The following CEP78 variants were observed in gnomAD, a reference collection of about 807,000 sequenced individuals.
The protein encoded by CEP78 is centrosomal protein 78.
CEP78 carries 76 observed loss-of-function variants against 81.2 expected under a neutral mutation model. The ratio of observed to expected loss-of-function variants is 0.94; its 90% confidence interval spans 0.78 to 1.13. The LOEUF (loss-of-function observed/expected upper bound fraction) is 1.13. Among genes scored for constraint, CEP78 ranks in the 50% most tolerant of loss-of-function variants. The pLI, the probability that CEP78 is intolerant of heterozygous loss-of-function variation, is 0.00. For synonymous variants in CEP78, 293 were observed against 301.4 expected (o/e 0.97, Z 0.29); for missense variants, 918 against 846.8 (o/e 1.08, Z -1.04).
rs1390778461 is a variant in CEP78 at position 78,274,360 on chromosome 9, T to A, written c.*3509T>A. The A allele has an allele frequency of 2.6e-5, 4 of 151,810 alleles. No individual in the cohort carries two copies. The East Asian group carries it at 5.8e-4, about 22-fold the overall frequency. The allele number at this position is 151,810 out of a possible 1,614,324, so 9.4% of individuals were successfully genotyped here. On this transcript the variant is annotated 3_prime_UTR_variant, in exon 17 of 17. Transcript: ENST00000643273. ...TACAAAGAGGCTGTACAAGGGAGTT[T>A]GTTTGTTTGTTTGTTTTGGTGATGA...
At chr9:78,245,642 C>T (rs12551520) in intron 5 of CEP78, among the ~76,000 whole-genome samples, 9,629 of 152,076 alleles carry the variant, frequency 0.063, 407 homozygotes, top group Admixed American at 0.11. Flanking sequence ...TTTTTTATGC[C>T]TGTACTTTTG....
chr9:78,239,167 G>C (rs1195502502), intron 1 of CEP78, among the ~76,000 whole-genome samples: 1 of 151,626 alleles, frequency 6.6e-6, no homozygotes, highest in Non-Finnish European at 1.5e-5. Context: ...TTTATCTCTT[G>C]CATCTAGTGG....
rs1207025204 is a variant in CEP78 at position 78,274,900 on chromosome 9, T to C, written c.*4049T>C. On this transcript the variant is annotated 3_prime_UTR_variant, in exon 17 of 17. Coordinates refer to ENST00000643273, the MANE Select transcript of CEP78 (RefSeq NM_001330691.3). ...CCAGGAAGAAAGAAGACAAAAGAGA[T>C]GAATTAAACATTTAAAGCTAAGAAA... 6.6e-6 allele frequency: 1 copy of C among 152,120 alleles called. No homozygotes were observed. Among genetic ancestry groups the C allele is most frequent in the African/African-American group, 2.4e-5 (1 of 41,440 alleles). The allele number at this position is 152,120 out of a possible 1,614,324, so 9.4% of individuals were successfully genotyped here.
At position 78,236,146 on chromosome 9, in the gene CEP78, C is replaced by G. The variant is rs1023864212; in HGVS notation, c.-205C>G. ...GCTTGGGCCGCAGGGCGGGAGGCAG[C>G]GCGGGAGTGGGGCGTTGAGGGGCCG... On this transcript the variant is annotated 5_prime_UTR_variant, in exon 1 of 17. Transcript: ENST00000643273. 3.9e-5 allele frequency: 22 copies of G among 557,182 alleles called. No individual in the cohort carries two copies. The African/African-American group carries it at 4.3e-4, about 11-fold the overall frequency. 34.5% of individuals were successfully genotyped at this position (557,182 alleles called of 1,614,324 possible).
intron 1 of CEP78, among the ~76,000 whole-genome samples, chr9:78,237,955 C>A (rs143920347): frequency 3.6e-3 from 385 of 105,866 alleles, no homozygotes; most frequent in East Asian, 4.0e-3. Context: ...ACTAAAAATA[C>A]AAAAAAAAAA....
intron 11 of CEP78, among the ~76,000 whole-genome samples, chr9:78,259,779 A>G (rs1827193496): frequency 6.6e-6 from 1 of 152,238 alleles, no homozygotes; most frequent in Non-Finnish European, 1.5e-5. Flanking sequence ...TAGGGCCAGA[A>G]CTTTGCCTCA....
chr9:78,248,491 A>G (rs1468830620), intron 7 of CEP78, 136 bp downstream of exon 7: 2 of 662,116 alleles, frequency 3.0e-6, no homozygotes, highest in African/African-American at 1.8e-5. Flanking sequence ...CTAGGTAGCT[A>G]GGACTGTAGG....
In CEP78 at chr9:78,266,578, T is replaced by C. The variant is rs745337796; in HGVS notation, c.1982T>C (p.Phe661Ser). Reference sequence around the variant, plus strand: ...GCTACTGAGCAGCGGCAGGAGTCTTTTGAAGGATTCATTGCTAGAATGTGT... The same window carrying C: ...GCTACTGAGCAGCGGCAGGAGTCTTCTGAAGGATTCATTGCTAGAATGTGT... ...VPATEQRQESFEGFIARMCSP... is the reference protein window; with the variant it reads ...VPATEQRQESSEGFIARMCSP... Residue 661 changes from phenylalanine (F) to serine (S), a missense_variant, in exon 16 of 17, where the codon TTT becomes TCT. Physicochemically the swap from Phe to Ser is radical, Grantham distance 155. Coordinates refer to ENST00000643273, the MANE Select transcript of CEP78 (RefSeq NM_001330691.3). 4 of 1,613,710 alleles carry C rather than the reference T, an allele frequency of 2.5e-6. No individual in the cohort carries two copies. The African/African-American group carries it at 5.3e-5, about 22-fold the overall frequency.
intron 15 of CEP78, among the ~76,000 whole-genome samples, 190 bp downstream of exon 15, chr9:78,266,096 G>A (rs1278599632): frequency 1.3e-5 from 2 of 152,104 alleles, no homozygotes; most frequent in Non-Finnish European, 2.9e-5. Flanking sequence ...GACTGGTCTT[G>A]GCAACTGACG....
chr9:78,265,756 T>A, intron 14 of CEP78, 103 bp from the exon 15 acceptor site: 3 of 768,662 alleles, frequency 3.9e-6, no homozygotes, highest in East Asian at 5.4e-5. Context: ...TTTGAAACTT[T>A]ATGATTTAAA....
intron 16 of CEP78, 43 bp downstream of exon 16, chr9:78,266,746 A>G (rs1444887937): frequency 2.5e-6 from 4 of 1,607,972 alleles, no homozygotes; most frequent in Middle Eastern, 1.7e-4. Flanking sequence ...CACCCTGGAA[A>G]GGACCTGCAT....
chr9:78,266,652 G>A lies in CEP78; in HGVS notation c.2056G>A (p.Glu686Lys), dbSNP rs758277997. 6.2e-7 allele frequency: 1 copy of A among 1,612,270 alleles called. No individual in the cohort carries two copies. Among genetic ancestry groups the A allele is most frequent in the South Asian group, 1.1e-5 (1 of 90,782 alleles). The change falls in exon 16 of 17, where the codon GAG (glutamate) becomes AAG (lysine). Residue 686 changes from glutamate to lysine, a missense_variant. Glu to Lys is a moderately conservative substitution (Grantham distance 56). Transcript: ENST00000643273. ...TGGAACTGGAAGTCAAAGAAAAGAA[G>A]AGGAGTTGTCCAGAAATAGCAGATC... ...TSGTGSQRKE[E>K]ELSRNSRSSS...
intron 12 of CEP78, 49 bp from the exon 13 acceptor site, chr9:78,264,101 G>T: frequency 1.6e-6 from 2 of 1,268,616 alleles, no homozygotes; most frequent in Non-Finnish European, 1.0e-6. Flanking sequence ...AACTATTTTG[G>T]TGATAATGAG....
intron 12 of CEP78, 40 bp downstream of exon 12, chr9:78,263,024 T>G (rs1163859358): frequency 7.6e-7 from 1 of 1,322,644 alleles, no homozygotes; most frequent in Non-Finnish European, 1.0e-6. Flanking sequence ...GTTTTTTGTT[T>G]TGGTTTTGGT....
chr9:78,252,129 C>T, intron 9 of CEP78, 86 bp downstream of exon 9: 2 of 1,198,512 alleles, frequency 1.7e-6, no homozygotes, highest in Non-Finnish European at 2.3e-6. Flanking sequence ...TGAGAGTTCT[C>T]TGCTTATGTC....
intron 5 of CEP78, among the ~76,000 whole-genome samples, chr9:78,243,892 A>G (rs1383123340): frequency 6.6e-6 from 1 of 151,304 alleles, no homozygotes; most frequent in African/African-American, 2.4e-5. Flanking sequence ...CACTTTCAGT[A>G]TTGTTTTTTC....
intron 1 of CEP78, among the ~76,000 whole-genome samples, chr9:78,237,792 C>T (rs1826026426): frequency 6.6e-6 from 1 of 151,712 alleles, no homozygotes; most frequent in Non-Finnish European, 1.5e-5. Context: ...ATCTAATGGC[C>T]CAAACTAAGG....
At position 78,246,783 on chromosome 9, in the gene CEP78, G is replaced by A. The variant is rs958872466; in HGVS notation, c.892+1G>A. 3 of 1,502,164 alleles carry A rather than the reference G, an allele frequency of 2.0e-6. No homozygotes were observed. The highest frequency in any genetic ancestry group is 3.8e-5 in the Admixed American group (2 of 52,140). 93.1% of individuals were successfully genotyped at this position (1,502,164 alleles called of 1,614,324 possible). A position where few individuals can be genotyped will look rare whatever the true frequency, so the allele number is the denominator to read the frequency against. On this transcript the variant is annotated splice_donor_variant, in intron 6 of 16. Transcript: ENST00000643273. LOFTEE classifies it high-confidence loss of function. ...GATATAAGAAAAAATCCACTCATTGGTATGTCGCTACAATATTTTTTATTG... is the reference window on the plus strand; with the variant it reads ...GATATAAGAAAAAATCCACTCATTGATATGTCGCTACAATATTTTTTATTG...
At position 78,265,505 on chromosome 9, in the gene CEP78, C is replaced by A; in HGVS notation, c.1759C>A (p.Pro587Thr). The change falls in exon 14 of 17, where the codon CCG (proline) becomes ACG (threonine). Residue 587 changes from proline (P) to threonine (T), a missense_variant. Pro to Thr is a conservative substitution (Grantham distance 38). Coordinates refer to ENST00000643273, the MANE Select transcript of CEP78 (RefSeq NM_001330691.3). ...GGCGCTTGAAGATGAAAAACCAGAACCGAAGCAGAATGCCCTAGGGCAAAT... is the reference window on the plus strand; with the variant it reads ...GGCGCTTGAAGATGAAAAACCAGAAACGAAGCAGAATGCCCTAGGGCAAAT... ...KKALEDEKPE[P>T]KQNALGQMQN... 1.3e-6 allele frequency: 2 copies of A among 1,580,818 alleles called. No individual in the cohort carries two copies. The highest frequency in any genetic ancestry group is 1.7e-6 in the Non-Finnish European group (2 of 1,162,808).
Sources: gnomAD v4.1 joint callset for allele counts (sites outside exome capture counted in the v4.1 genomes callset) on GRCh38, gnomAD v4.1.1 for gene constraint, MANE v1.5 for transcripts, NCBI Gene and HGNC (gene_info 2026-07-23, HGNC 2026-07-21) for gene names.